Variants in IL12RB2 observed in about 807,000 individuals in gnomAD.
The protein encoded by IL12RB2 is interleukin-12 receptor subunit beta-2.
A neutral mutation model predicts 89.4 loss-of-function variants in IL12RB2; 82 were observed. The ratio of observed to expected loss-of-function variants is 0.92; its 90% CI spans 0.77 to 1.10. The LOEUF is 1.10. IL12RB2 is among the 50% of genes least tolerant of loss of function. The pLI, the probability that IL12RB2 is intolerant of heterozygous loss-of-function variation, is 0.00. For synonymous variants in IL12RB2, 368 were observed against 370.1 expected (o/e 0.99, Z 0.07); for missense variants, 963 against 1,031.9 (o/e 0.93, Z 0.92).
intron 8 of IL12RB2, among the ~76,000 whole-genome samples, chr1:67,337,456 C>T (rs1658913913): frequency 6.6e-6 from 1 of 152,194 alleles, no homozygotes; most frequent in Admixed American, 6.5e-5. Flanking sequence ...AGCATGAACT[C>T]ATGCACACAC....
chr1:67,381,325 C>A (rs1296255784), intron 14 of IL12RB2, among the ~76,000 whole-genome samples: 3 of 152,230 alleles, frequency 2.0e-5, no homozygotes, highest in African/African-American at 7.2e-5. Flanking sequence ...TCATTTGCAT[C>A]TGCTCTAAGC....
At chr1:67,342,821 A>G (rs1169375420) in intron 9 of IL12RB2, among the ~76,000 whole-genome samples, 1 of 133,032 alleles carries the variant, frequency 7.5e-6, no homozygotes, top group African/African-American at 2.6e-5. Context: ...GTGTGGTGGC[A>G]CAATCTCAGC....
chr1:67,376,297 G>A (rs1165681730), intron 13 of IL12RB2, among the ~76,000 whole-genome samples: 1 of 152,160 alleles, frequency 6.6e-6, no homozygotes, highest in East Asian at 1.9e-4. Flanking sequence ...ACACATGGTA[G>A]GTGCTTCATA....
At chr1:67,375,269 G>A (rs566494844) in intron 13 of IL12RB2, among the ~76,000 whole-genome samples, 1 of 152,210 alleles carries the variant, frequency 6.6e-6, no homozygotes, top group Admixed American at 6.5e-5. Flanking sequence ...AGTGGTGTGT[G>A]CCTGCAATCC....
chr1:67,384,440 T>C (rs958000986), intron 14 of IL12RB2, among the ~76,000 whole-genome samples: 5 of 152,198 alleles, frequency 3.3e-5, no homozygotes, highest in African/African-American at 1.2e-4. Flanking sequence ...GACCCAGCCC[T>C]GAAAACCATT....
chr1:67,326,849 A>T lies in IL12RB2; in HGVS notation c.479A>T (p.Gln160Leu). 2 of 1,500,986 alleles carry T rather than the reference A, an allele frequency of 1.3e-6. No homozygotes were observed. Among genetic ancestry groups the T allele is most frequent in the Non-Finnish European group, 1.8e-6 (2 of 1,114,982 alleles). 93.0% of individuals were successfully genotyped at this position (1,500,986 alleles called of 1,614,324 possible). ...CACTTATACACTGAGTATACTCTAC[A>T]GTGAGTGAGAGGCTGTATTTTTGCA... ...DTHLYTEYTLQLSGPKNLTWQ... is the reference protein window; with the variant it reads ...DTHLYTEYTLLLSGPKNLTWQ... The change falls in exon 5 of 17, where the codon CAG becomes CTG. Residue 160 changes from glutamine to leucine, a missense_variant and splice_region_variant. Coordinates refer to ENST00000674203, the MANE Select transcript of IL12RB2 (RefSeq NM_001374259.2).
rs779278191 is a variant in IL12RB2 at position 67,321,800 on chromosome 1, T to C, written c.275T>C (p.Leu92Pro). Residue 92 changes from leucine to proline, a missense_variant, in exon 4 of 17, where the codon CTT (leucine) becomes CCT (proline). Transcript: ENST00000674203. ...TCCCTCAATTCTCAAGTCACAGGTC[T>C]TCCCCTTGGTACAACCTTGTTTGTC... ...GHSLNSQVTG[L>P]PLGTTLFVCK... 3 of 1,610,074 alleles carry C rather than the reference T, an allele frequency of 1.9e-6. No individual in the cohort carries two copies. The highest frequency in any genetic ancestry group is 2.6e-6 in the Non-Finnish European group (3 of 1,176,296).
At chr1:67,391,880 T>A (rs1253928200) in intron 16 of IL12RB2, among the ~76,000 whole-genome samples, 1 of 152,070 alleles carries the variant, frequency 6.6e-6, no homozygotes, top group Non-Finnish European at 1.5e-5. Flanking sequence ...CCTGACCTCG[T>A]GATCCACCCG....
At chr1:67,366,364 C>A (rs865921661) in intron 10 of IL12RB2, among the ~76,000 whole-genome samples, 1 of 147,034 alleles carries the variant, frequency 6.8e-6, no homozygotes, top group Non-Finnish European at 1.5e-5. Flanking sequence ...GACAGGAGAA[C>A]TGCTTGAACC....
chr1:67,387,559 G>T (rs191189837), intron 15 of IL12RB2, among the ~76,000 whole-genome samples: 74 of 151,706 alleles, frequency 4.9e-4, no homozygotes, highest in Non-Finnish European at 8.5e-4. Context: ...AAATTAGCTG[G>T]GTGTGGTGGC....
chr1:67,321,588 G>C lies in IL12RB2; in HGVS notation c.77-14G>C, dbSNP rs758342806. The C allele has an allele frequency of 6.4e-7, 1 of 1,560,048 alleles. No homozygotes were observed. The highest frequency in any genetic ancestry group is 8.8e-7 in the Non-Finnish European group (1 of 1,131,414). On this transcript the variant is annotated splice_polypyrimidine_tract_variant and intron_variant, in intron 3 of 16. Coordinates refer to ENST00000674203, the MANE Select transcript of IL12RB2 (RefSeq NM_001374259.2). The stretch of plus-strand genomic sequence containing the variant: ...TTATCACCAACTAAATATTGCATCT[G>C]TATCTTATTGCAGATGCGTGCAAGA...
At chr1:67,358,042 C>T (rs1412552837) in intron 10 of IL12RB2, among the ~76,000 whole-genome samples, 2 of 148,758 alleles carry the variant, frequency 1.3e-5, no homozygotes. Context: ...GTGCTAAACT[C>T]AACATAATTT....
rs71062413 is a variant in IL12RB2, at chr1:67,342,761, C to CTTTTTTT, written c.1038+4068_1038+4074dup. 1.4e-4 allele frequency among the ~76,000 whole-genome samples: 19 copies of CTTTTTTT among 137,168 alleles called. 7 individuals carry two copies. The highest frequency in any genetic ancestry group is 2.3e-4 in the South Asian group (1 of 4,430). The allele number at this position is 137,168 out of a possible 152,430, so 90.0% of individuals were successfully genotyped here. ...CTTGTACTACTTTTTAAAATCACAC[C>CTTTTTTT]TTTTTTTTTTTTTTTTGAGACAGGG... On this transcript the variant is annotated intron_variant, in intron 9 of 16. Coordinates refer to ENST00000674203, the MANE Select transcript of IL12RB2 (RefSeq NM_001374259.2).
At chr1:67,325,951 A>C (rs2100639771) in intron 4 of IL12RB2, among the ~76,000 whole-genome samples, 1 of 152,324 alleles carries the variant, frequency 6.6e-6, no homozygotes, top group South Asian at 2.1e-4. Context: ...TTAAAAATAC[A>C]CACCTTACAA....
chr1:67,351,461 T>A (rs996613980), intron 10 of IL12RB2, among the ~76,000 whole-genome samples: 6 of 152,198 alleles, frequency 3.9e-5, no homozygotes, highest in African/African-American at 1.4e-4. Context: ...GAAATACGTG[T>A]TATGTTTCAG....
chr1:67,386,689 C>T lies in IL12RB2; in HGVS notation c.1946+20C>T. On this transcript the variant is annotated intron_variant, in intron 15 of 16. Transcript: ENST00000674203. ...GCAAAAGTGAGTTGGTTACACCTAC[C>T]AAGTGGGTAAATGAGGCTTTTAAAA... 6.7e-7 allele frequency: 1 copy of T among 1,482,780 alleles called. No homozygotes were observed. Among genetic ancestry groups the T allele is most frequent in the Non-Finnish European group, 9.4e-7 (1 of 1,059,630 alleles). The allele number at this position is 1,482,780 out of a possible 1,614,324, so 91.9% of individuals were successfully genotyped here. A position where few individuals can be genotyped will look rare whatever the true frequency, so the allele number is the denominator to read the frequency against.
In IL12RB2 at chr1:67,321,746, A is replaced by G; in HGVS notation, c.221A>G (p.Asp74Gly). 1.2e-6 allele frequency: 2 copies of G among 1,613,080 alleles called. No homozygotes were observed. The highest frequency in any genetic ancestry group is 2.2e-5 in the East Asian group (1 of 44,862). ...RRNKLILYKF[D>G]RRINFHHGHS... ...AACAAGTTAATCCTGTACAAGTTTG[A>G]CAGAAGAATCAATTTTCACCATGGC... The change falls in exon 4 of 17, where the codon GAC becomes GGC. Residue 74 changes from aspartate to glycine, a missense_variant. Transcript: ENST00000674203.
chr1:67,308,421 G>T (rs887756587), intron 1 of IL12RB2, among the ~76,000 whole-genome samples: 4 of 152,060 alleles, frequency 2.6e-5, no homozygotes, highest in Admixed American at 6.6e-5. Flanking sequence ...TAAGATATTG[G>T]GGGGGGCCTT....
chr1:67,351,051 T>C lies in IL12RB2; in HGVS notation c.1220T>C (p.Leu407Pro). Reference sequence around the variant, plus strand: ...GCAGCAAATTCAAAAGGCAGTTCTCTGCCCACTCGTATTAACATAATGAAC... The same window carrying C: ...GCAGCAAATTCAAAAGGCAGTTCTCCGCCCACTCGTATTAACATAATGAAC... The part of the protein sequence containing the change: ...VSAANSKGSS[L>P]PTRINIMNLC... Residue 407 changes from leucine (L) to proline (P), a missense_variant, in exon 10 of 17, where the codon CTG becomes CCG. Transcript: ENST00000674203. 6.2e-7 allele frequency: 1 copy of C among 1,613,556 alleles called. No individual in the cohort carries two copies. Among genetic ancestry groups the C allele is most frequent in the Non-Finnish European group, 8.5e-7 (1 of 1,179,898 alleles).
Sources: allele counts gnomAD v4.1 joint callset (sites outside exome capture counted in the v4.1 genomes callset), GRCh38; gene constraint gnomAD v4.1.1; transcripts MANE v1.5; gene names NCBI Gene and HGNC (gene_info 2026-07-23, HGNC 2026-07-21).